Variants in UROS observed in about 807,000 individuals in gnomAD.
The protein encoded by UROS is uroporphyrinogen-III synthase.
In UROS, 18 loss-of-function variants were observed where a neutral mutation model predicts 33.0. The ratio of observed to expected loss-of-function variants is 0.55; its 90% CI spans 0.38 to 0.81. The LOEUF (loss-of-function observed/expected upper bound fraction) is 0.81, where lower values mean the gene tolerates loss of function less well. Among genes scored for constraint, UROS ranks in the 30% least tolerant of loss-of-function variants. The probability of loss-of-function intolerance (pLI) is 0.00; values close to 1 mark genes in which losing one functional copy is unlikely to be tolerated. For synonymous variants in UROS, 114 were observed against 121.1 expected (o/e 0.94, Z 0.38); for missense variants, 293 against 314.9 (o/e 0.93, Z 0.53).
Position 125,801,436 on chromosome 10 carries a change from C to T in UROS, c.395-3291G>A, listed in dbSNP as rs549293622. ...TAGCTTTAAGCACTTACAATAGTGC[C>T]TGTCACAAAGTAGTTAAGTGTTAAC... On this transcript the variant is annotated intron_variant, in intron 6 of 9. Coordinates refer to ENST00000368797, the MANE Select transcript of UROS (RefSeq NM_000375.3). Among the ~76,000 whole-genome samples the T allele has an allele frequency of 2.0e-5, 3 of 152,270 alleles. No individual in the cohort carries two copies. In the South Asian group the frequency reaches 6.2e-4, roughly 32 times the overall value.
At chr10:125,797,388 GCA>G (rs967700889) in intron 7 of UROS, among the ~76,000 whole-genome samples, 13 of 152,294 alleles carry the variant, frequency 8.5e-5, no homozygotes, top group African/African-American at 2.9e-4. Context: ...GGATACTGAT[GCA>G]CAGAGAGATT....
intron 1 of UROS, 187 bp from the exon 2 acceptor site, chr10:125,816,712 G>A (rs894598506): frequency 3.0e-5 from 19 of 623,594 alleles, no homozygotes; most frequent in Admixed American, 5.3e-5. Flanking sequence ...ATAAGGCCAA[G>A]AAAGAGCATG....
intron 9 of UROS, among the ~76,000 whole-genome samples, chr10:125,790,567 G>A (rs1159451883): frequency 6.6e-6 from 1 of 152,142 alleles, no homozygotes. Flanking sequence ...CCAGTACTTT[G>A]GGAGGCCGAG....
intron 9 of UROS, among the ~76,000 whole-genome samples, chr10:125,790,565 T>C (rs1850848467): frequency 6.6e-6 from 1 of 152,142 alleles, no homozygotes; most frequent in African/African-American, 2.4e-5. Context: ...TCCCAGTACT[T>C]TGGGAGGCCG....
At chr10:125,822,761 C>A (rs1433242671) in intron 1 of UROS, among the ~76,000 whole-genome samples, 1 of 152,182 alleles carries the variant, frequency 6.6e-6, no homozygotes, top group African/African-American at 2.4e-5. Flanking sequence ...CCCGGCCCCC[C>A]GCCGAAGCAT....
chr10:125,796,000 T>G (rs1589935006), intron 8 of UROS, 103 bp downstream of exon 8: 1 of 1,032,912 alleles, frequency 9.7e-7, no homozygotes, highest in East Asian at 2.4e-5. Flanking sequence ...CTGGGGACAG[T>G]GAAACCACAT....
intron 1 of UROS, 197 bp from the exon 2 acceptor site, chr10:125,816,722 G>C: frequency 1.6e-6 from 1 of 608,628 alleles, no homozygotes; most frequent in South Asian, 2.0e-5. Context: ...GAAAGAGCAT[G>C]TTAGCAGTTG....
intron 4 of UROS, 138 bp downstream of exon 4, chr10:125,814,896 C>A: frequency 2.0e-6 from 2 of 993,414 alleles, no homozygotes; most frequent in Non-Finnish European, 3.1e-6. Context: ...TCCTGTTTCC[C>A]AAGGCAGAGT....
At chr10:125,820,865 C>G (rs1853813133) in intron 1 of UROS, among the ~76,000 whole-genome samples, 1 of 152,212 alleles carries the variant, frequency 6.6e-6, no homozygotes, top group Admixed American at 6.5e-5. Context: ...AAGATGAACA[C>G]TGAACGAGTG....
chr10:125,785,165 T>A (rs1017479346), downstream of UROS: 1 of 152,202 alleles, frequency 6.6e-6, no homozygotes, highest in Admixed American at 6.5e-5. Flanking sequence ...GTTGGGATAG[T>A]TTTTGTGCCC....
At chr10:125,802,867 C>T in intron 6 of UROS, 1 of 1,546,838 alleles carries the variant, frequency 6.5e-7, no homozygotes, top group Non-Finnish European at 8.7e-7. Flanking sequence ...AGCCCCTTTC[C>T]CTTGGGGCTC....
At chr10:125,812,164 G>A in intron 5 of UROS, 50 bp downstream of exon 5, 1 of 1,564,230 alleles carries the variant, frequency 6.4e-7, no homozygotes, top group Non-Finnish European at 8.8e-7. Context: ...TTTTAAAACT[G>A]AAAAGGCTAA....
intron 3 of UROS, 89 bp from the exon 4 acceptor site, chr10:125,815,219 C>T (rs973247228): frequency 7.0e-7 from 1 of 1,428,342 alleles, no homozygotes; most frequent in African/African-American, 1.4e-5. Context: ...CCAAATGCTT[C>T]ACAATAGTAG....
chr10:125,791,174 G>C (rs1850910806), intron 9 of UROS, among the ~76,000 whole-genome samples: 1 of 151,714 alleles, frequency 6.6e-6, no homozygotes, highest in African/African-American at 2.4e-5. Flanking sequence ...GTTAAAAGTA[G>C]GCAAAGGATT....
chr10:125,789,153 C>A lies in UROS; in HGVS notation c.661-148G>T, dbSNP rs138461821. On this transcript the variant is annotated intron_variant, in intron 9 of 9. Transcript: ENST00000368797. ...TGTTTATAAAAATGACAACACTGCC[C>A]GATTCTAGCCCAGCTTCTGAGCGTG... 3.0e-5 allele frequency: 42 copies of A among 1,419,534 alleles called. No individual in the cohort carries two copies. The East Asian group carries it at 9.7e-4, about 33-fold the overall frequency. The allele number at this position is 1,419,534 out of a possible 1,614,324, so 87.9% of individuals were successfully genotyped here. A position where few individuals can be genotyped will look rare whatever the true frequency, so the allele number is the denominator to read the frequency against.
intron 6 of UROS, chr10:125,803,113 G>C (rs1851980836): frequency 1.9e-6 from 3 of 1,583,800 alleles, no homozygotes; most frequent in Admixed American, 3.4e-5. Context: ...GAGCTTTGGA[G>C]TCAGCCAGTC....
At chr10:125,799,952 G>C (rs1001495268) in intron 6 of UROS, among the ~76,000 whole-genome samples, 3 of 152,192 alleles carry the variant, frequency 2.0e-5, no homozygotes, top group African/African-American at 7.2e-5. Context: ...CAATGGGATG[G>C]TTAAGGCTGA....
chr10:125,787,407 A>G (rs1850664202), downstream of UROS, among the ~76,000 whole-genome samples: 1 of 152,102 alleles, frequency 6.6e-6, no homozygotes, highest in African/African-American at 2.4e-5. Flanking sequence ...TTCACCATGC[A>G]TGAGGGCATT....
At chr10:125,789,694 G>A (rs1850782467) in intron 9 of UROS, among the ~76,000 whole-genome samples, 1 of 152,160 alleles carries the variant, frequency 6.6e-6, no homozygotes, top group Non-Finnish European at 1.5e-5. Context: ...CGGGGCACTG[G>A]CCTCATCCAC....
Sources: gnomAD v4.1 joint callset for allele counts (sites outside exome capture counted in the v4.1 genomes callset) on GRCh38, gnomAD v4.1.1 for gene constraint, MANE v1.5 for transcripts, NCBI Gene and HGNC (gene_info 2026-07-23, HGNC 2026-07-21) for gene names.